Variants in ZNF543 observed in about 807,000 individuals in gnomAD.
ZNF543 encodes zinc finger protein 543.
ZNF543 carries 10 observed loss-of-function variants against 13.4 expected under a neutral mutation model. The observed-to-expected ratio is 0.75, with a 90% CI of 0.46 to 1.26. The LOEUF is 1.26. Among genes scored for constraint, ZNF543 ranks in the 50% most tolerant of loss-of-function variants. The pLI is 0.00. For synonymous variants in ZNF543, 272 were observed against 264.7 expected (o/e 1.03, Z -0.27); for missense variants, 768 against 741.2 (o/e 1.04, Z -0.42).
Position 57,329,237 on chromosome 19 carries a change from A to G in ZNF543, c.1775A>G (p.Asn592Ser). Residue 592 changes from asparagine to serine, a missense_variant, in exon 4 of 4, where the codon AAT becomes AGT. Around this residue, in one of 3 missense-constraint regions of ZNF543, gnomAD observed 677 missense variants for 631.4 expected, o/e 1.07. Transcript: ENST00000321545. ...QELLLGKEFL[N>S]ITTEENLW is the part of the protein sequence containing the mutation. ...CTTTTATTAGGGAAAGAGTTTTTGAATATCACCACTGAAGAAAATCTGTGG... is the reference window on the plus strand; with the variant it reads ...CTTTTATTAGGGAAAGAGTTTTTGAGTATCACCACTGAAGAAAATCTGTGG... 3 of 1,609,234 alleles carry G rather than the reference A, an allele frequency of 1.9e-6. No individual in the cohort carries two copies. The highest frequency in any genetic ancestry group is 2.5e-6 in the Non-Finnish European group (3 of 1,177,058).
At chr19:57,324,117 C>T (rs753353375) in intron 2 of ZNF543, among the ~76,000 whole-genome samples, 1 of 151,956 alleles carries the variant, frequency 6.6e-6, no homozygotes, top group African/African-American at 2.4e-5. Context: ...TTTGGGAGGC[C>T]GACGCGGACA....
Position 57,328,792 on chromosome 19 carries a change from A to G in ZNF543, c.1330A>G (p.Thr444Ala). The change falls in exon 4 of 4, where the codon ACC (threonine) becomes GCC (alanine). Residue 444 changes from threonine (T) to alanine (A), a missense_variant. Physicochemically the swap from Thr to Ala is moderately conservative, Grantham distance 58. This residue lies in a region of ZNF543 where 677 missense variants were observed against 631.4 expected (regional missense o/e 1.07). Coordinates refer to ENST00000321545, the MANE Select transcript of ZNF543 (RefSeq NM_213598.4). Reference sequence around the variant, plus strand: ...CTCCACTTTTGTCTTGCATAAAAGGACCCACACAGGAGAAAAACCCTATGA... The same window carrying G: ...CTCCACTTTTGTCTTGCATAAAAGGGCCCACACAGGAGAAAAACCCTATGA... ...HCSTFVLHKR[T>A]HTGEKPYECK... The G allele has an allele frequency of 1.2e-6, 2 of 1,614,154 alleles. No homozygotes were observed. The highest frequency in any genetic ancestry group is 1.7e-6 in the Non-Finnish European group (2 of 1,180,026).
chr19:57,323,585 T>G, intron 1 of ZNF543, 97 bp from the exon 2 acceptor site: 1 of 1,449,120 alleles, frequency 6.9e-7, no homozygotes, highest in South Asian at 1.1e-5. Context: ...ATTTGATTCT[T>G]GGGTCACTGC....
In ZNF543 at chr19:57,328,980, C is replaced by G; in HGVS notation, c.1518C>G (p.Pro506=). The stretch of plus-strand genomic sequence containing the variant: ...AACAGATTCACACTGGAGAGAAACC[C>G]TATGAATGCATCCAGTGTGGGAAAG... ...RHQQIHTGEK[P]YECIQCGKAF... is the part of the protein sequence containing the mutation. The change falls in exon 4 of 4, where the codon CCC becomes CCG. Residue 506 remains proline, a synonymous_variant. Transcript: ENST00000321545. The G allele has an allele frequency of 6.2e-7, 1 of 1,614,158 alleles. No individual in the cohort carries two copies.
intron 1 of ZNF543, among the ~76,000 whole-genome samples, chr19:57,322,354 G>C (rs887830588): frequency 5.3e-5 from 8 of 151,978 alleles, no homozygotes; most frequent in African/African-American, 1.7e-4. Flanking sequence ...CTCTGCCCAG[G>C]TCCATGAAAA....
rs1260282687 is a variant in ZNF543 at position 57,327,785 on chromosome 19, TGACACAAGGA to T, written c.325_334del (p.Thr109ProfsTer7). 5.6e-6 allele frequency: 9 copies of T among 1,614,100 alleles called. No individual in the cohort carries two copies. The highest frequency in any genetic ancestry group is 7.6e-6 in the Non-Finnish European group (9 of 1,180,020). ...GAGGAAGTCTTACTCCAGGAACAAC[TGACACAAGGA>T]GCCTCAAAGAACTCCCAATTAGGGC... On this transcript the variant is annotated frameshift_variant, in exon 4 of 4. Coordinates refer to ENST00000321545, the MANE Select transcript of ZNF543 (RefSeq NM_213598.4). LOFTEE classifies it low-confidence loss of function (END_TRUNC).
At chr19:57,321,666 G>A (rs1351696777) in intron 1 of ZNF543, among the ~76,000 whole-genome samples, 2 of 152,174 alleles carry the variant, frequency 1.3e-5, no homozygotes, top group Non-Finnish European at 2.9e-5. Context: ...GGCTCACATA[G>A]GTTCAATTAC....
intron 1 of ZNF543, chr19:57,323,457 G>C: frequency 2.1e-6 from 1 of 485,466 alleles, no homozygotes; most frequent in South Asian, 1.6e-5. Context: ...CCCCCAAAGT[G>C]CTGGGATTAC....
rs113015856 is a variant in ZNF543, at chr19:57,322,542, A to G, written c.19-1140A>G. On this transcript the variant is annotated intron_variant, in intron 1 of 3. Coordinates refer to ENST00000321545, the MANE Select transcript of ZNF543 (RefSeq NM_213598.4). Reference sequence around the variant, plus strand: ...GGGTGGCTCAAATGGATGTATTTCAATGTTTCCCATCCTCATTAACTGTGC... The same window carrying G: ...GGGTGGCTCAAATGGATGTATTTCAGTGTTTCCCATCCTCATTAACTGTGC... Among the ~76,000 whole-genome samples, 221 of 152,068 alleles carry G rather than the reference A, an allele frequency of 1.5e-3. 3 individuals carry two copies. Among genetic ancestry groups the G allele is most frequent in the African/African-American group, 4.9e-3 (204 of 41,478 alleles).
In ZNF543 at chr19:57,328,387, A is replaced by G. The variant is rs749929785; in HGVS notation, c.925A>G (p.Lys309Glu). Residue 309 changes from lysine to glutamate, a missense_variant, in exon 4 of 4, where the codon AAA (lysine) becomes GAA (glutamate). Coordinates refer to ENST00000321545, the MANE Select transcript of ZNF543 (RefSeq NM_213598.4). ...VLHHRSHTGEKPFVCKECGKA... is the reference protein window; with the variant it reads ...VLHHRSHTGEEPFVCKECGKA... ...GCATCACAGGAGCCACACTGGAGAA[A>G]AACCCTTTGTGTGCAAAGAGTGTGG... is the stretch of plus-strand genomic sequence containing the variant. 5 of 1,613,748 alleles carry G rather than the reference A, an allele frequency of 3.1e-6. No homozygotes were observed. The highest frequency in any genetic ancestry group is 3.4e-6 in the Non-Finnish European group (4 of 1,179,936).
At chr19:57,323,451 C>G (rs2088102202) in intron 1 of ZNF543, 2 of 471,916 alleles carry the variant, frequency 4.2e-6, no homozygotes, top group African/African-American at 3.9e-5. Flanking sequence ...CATGGCCCCC[C>G]AAAGTGCTGG....
chr19:57,323,317 G>A (rs1025555790), intron 1 of ZNF543, among the ~76,000 whole-genome samples: 22 of 151,540 alleles, frequency 1.5e-4, no homozygotes, highest in African/African-American at 4.6e-4. Context: ...TCAGCCTCCC[G>A]AGTAGCTGGG....
At position 57,328,345 on chromosome 19, in the gene ZNF543, C is replaced by A. The variant is rs766600211; in HGVS notation, c.883C>A (p.Arg295Ser). ...CSECGKAFTH[R>S]STFVLHHRSH... is the part of the protein sequence containing the mutation. Reference sequence around the variant, plus strand: ...TGAATGTGGAAAGGCCTTCACCCACCGCTCCACTTTTGTCTTGCATCACAG... The same window carrying A: ...TGAATGTGGAAAGGCCTTCACCCACAGCTCCACTTTTGTCTTGCATCACAG... Residue 295 changes from arginine to serine, a missense_variant, in exon 4 of 4, where the codon CGC becomes AGC. Arg to Ser is a moderately radical substitution (Grantham distance 110, BLOSUM62 -1). Coordinates refer to ENST00000321545, the MANE Select transcript of ZNF543 (RefSeq NM_213598.4). The A allele has an allele frequency of 1.2e-6, 2 of 1,610,826 alleles. No individual in the cohort carries two copies. The highest frequency in any genetic ancestry group is 2.2e-5 in the South Asian group (2 of 90,938).
At position 57,328,671 on chromosome 19, in the gene ZNF543, G is replaced by C; in HGVS notation, c.1209G>C (p.Ala403=). The C allele has an allele frequency of 2.5e-6, 4 of 1,612,130 alleles. No homozygotes were observed. Among genetic ancestry groups the C allele is most frequent in the Non-Finnish European group, 3.4e-6 (4 of 1,179,268 alleles). The change falls in exon 4 of 4, where the codon GCG becomes GCC. Residue 403 remains alanine, a synonymous_variant. Transcript: ENST00000321545. ...KPYKCMECGK[A]FNRRSHLKQH... ...ATAAGTGCATGGAGTGTGGGAAGGC[G>C]TTCAACCGTAGGTCACACCTCAAGC... is the stretch of plus-strand genomic sequence containing the variant.
intron 2 of ZNF543, 116 bp downstream of exon 2, chr19:57,323,924 C>G: frequency 7.3e-7 from 1 of 1,371,888 alleles, no homozygotes; most frequent in Non-Finnish European, 9.9e-7. Flanking sequence ...GGGGTGTTCA[C>G]CATTGGCTCT....
Position 57,328,651 on chromosome 19 carries a change from T to C in ZNF543, c.1189T>C (p.Cys397Arg). 1 of 1,613,998 alleles carries C rather than the reference T, an allele frequency of 6.2e-7. No individual in the cohort carries two copies. Among genetic ancestry groups the C allele is most frequent in the Non-Finnish European group, 8.5e-7 (1 of 1,179,996 alleles). Residue 397 changes from cysteine to arginine, a missense_variant, in exon 4 of 4, where the codon TGC becomes CGC. Around this residue, in one of 3 missense-constraint regions of ZNF543, gnomAD observed 677 missense variants for 631.4 expected, o/e 1.07. Coordinates refer to ENST00000321545, the MANE Select transcript of ZNF543 (RefSeq NM_213598.4). Reference sequence around the variant, plus strand: ...CCACACTGGGGAGAAGCCCTATAAGTGCATGGAGTGTGGGAAGGCGTTCAA... The same window carrying C: ...CCACACTGGGGAGAAGCCCTATAAGCGCATGGAGTGTGGGAAGGCGTTCAA... ...IIHTGEKPYK[C>R]MECGKAFNRR...
rs558845422 is a variant in ZNF543, at chr19:57,320,499, G to C, written c.-355G>C. The C allele has an allele frequency of 1.0e-3, 234 of 227,616 alleles. No homozygotes were observed. The highest frequency in any genetic ancestry group is 1.6e-3 in the Non-Finnish European group (189 of 115,248). 14.1% of individuals were successfully genotyped at this position (227,616 alleles called of 1,614,324 possible). A position where few individuals can be genotyped will look rare whatever the true frequency, so the allele number is the denominator to read the frequency against. ...CGCGTGACGTCATCTCCGTGAGCAG[G>C]ATTGGCCCTGGAACAGTGTGGGGCC... is the stretch of plus-strand genomic sequence containing the variant. On this transcript the variant is annotated 5_prime_UTR_variant, in exon 1 of 4. Transcript: ENST00000321545.
Position 57,329,363 on chromosome 19 carries a change from A to G in ZNF543, c.*98A>G. On this transcript the variant is annotated 3_prime_UTR_variant, in exon 4 of 4. Coordinates refer to ENST00000321545, the MANE Select transcript of ZNF543 (RefSeq NM_213598.4). ...TGTAATAGATGATCATTTGTCGTCT[A>G]AACAATCAAGTTAGAAATTGAACCA... The G allele has an allele frequency of 6.8e-7, 1 of 1,477,074 alleles. No individual in the cohort carries two copies. The highest frequency in any genetic ancestry group is 9.0e-7 in the Non-Finnish European group (1 of 1,112,320). 91.5% of individuals were successfully genotyped at this position (1,477,074 alleles called of 1,614,324 possible).
chr19:57,328,579 G>C lies in ZNF543; in HGVS notation c.1117G>C (p.Gly373Arg). ...GAAACCCTTTGAATGCAACGAGTGT[G>C]GAAAAGCTTTTTGCGAGAGTGCAGA... ...GVKPFECNECGKAFCESADLI... is the reference protein window; with the variant it reads ...GVKPFECNECRKAFCESADLI... The change falls in exon 4 of 4, where the codon GGA (glycine) becomes CGA (arginine). Residue 373 changes from glycine to arginine, a missense_variant. Gly to Arg is a moderately radical substitution (Grantham distance 125). Transcript: ENST00000321545. The C allele has an allele frequency of 6.2e-7, 1 of 1,613,330 alleles. No individual in the cohort carries two copies.
Sources: gnomAD v4.1 joint callset for allele counts (sites outside exome capture counted in the v4.1 genomes callset) on GRCh38, gnomAD v4.1.1 for gene constraint, gnomAD v4.1.1 regional missense constraint, MANE v1.5 for transcripts, NCBI Gene and HGNC (gene_info 2026-07-23, HGNC 2026-07-21) for gene names.